The following TRPC5 variants were observed in gnomAD, a reference collection of about 807,000 sequenced individuals.
TRPC5 encodes the protein transient receptor potential cation channel subfamily C member 5.
In TRPC5, 9 loss-of-function variants were observed where a neutral mutation model predicts 56.5. The ratio of observed to expected loss-of-function variants is 0.16; its 90% confidence interval spans 0.10 to 0.28. The LOEUF (loss-of-function observed/expected upper bound fraction) is 0.28, where lower values mean the gene tolerates loss of function less well. Ranked by LOEUF, TRPC5 falls within the 10% of genes least tolerant of loss-of-function variation. The pLI, the probability that TRPC5 is intolerant of heterozygous loss-of-function variation, is 1.00. For missense variants in TRPC5, 469 were observed against 748.9 expected (o/e 0.63, Z 4.36); for synonymous variants, 282 against 278.5 (o/e 1.01, Z -0.13).
intron 3 of TRPC5, among the ~76,000 whole-genome samples, chrX:111,908,354 G>C (rs1925697728): frequency 9.0e-6 from 1 of 111,526 alleles, no homozygotes; most frequent in Non-Finnish European, 1.9e-5. Flanking sequence ...TTAGTTTGAA[G>C]AGAAACTAAT....
chrX:111,781,907 ATTAAG>A (rs1168066601), intron 8 of TRPC5, 23 bp downstream of exon 8: 1 of 1,148,977 alleles, frequency 8.7e-7, no homozygotes, highest in Admixed American at 2.6e-5. Flanking sequence ...ATTTTTAAAA[ATTAAG>A]TTTTCAAAAT....
intron 3 of TRPC5, among the ~76,000 whole-genome samples, chrX:111,894,075 A>G (rs890546568): frequency 2.7e-5 from 3 of 111,518 alleles, no homozygotes; most frequent in Non-Finnish European, 3.8e-5. Context: ...AGAAGGGAAC[A>G]CTATGGAAAA....
chrX:111,937,709 C>T (rs1926634453), intron 2 of TRPC5, among the ~76,000 whole-genome samples: 1 of 98,649 alleles, frequency 1.0e-5, no homozygotes, highest in African/African-American at 3.8e-5. Context: ...ATCTATATCT[C>T]TGTTTTGGTA....
At chrX:111,942,062 C>G (rs1006626712) in intron 2 of TRPC5, among the ~76,000 whole-genome samples, 1 of 112,221 alleles carries the variant, frequency 8.9e-6, no homozygotes, top group Non-Finnish European at 1.9e-5. Flanking sequence ...CCTCTCTACA[C>G]TGCCATTCTG....
chrX:111,882,778 G>A (rs1401137997), intron 3 of TRPC5, among the ~76,000 whole-genome samples: 2 of 112,257 alleles, frequency 1.8e-5, no homozygotes, highest in East Asian at 2.8e-4. Flanking sequence ...AGTCCTAGTC[G>A]GCCCAGTTAA....
At chrX:111,822,826 G>T (rs764386212) in intron 7 of TRPC5, among the ~76,000 whole-genome samples, 2 of 111,493 alleles carry the variant, frequency 1.8e-5, no homozygotes, top group Non-Finnish European at 3.8e-5. Context: ...TTGGGCACTG[G>T]AACCTTTCTG....
At chrX:111,900,883 A>G (rs1356963769) in intron 3 of TRPC5, among the ~76,000 whole-genome samples, 1 of 111,863 alleles carries the variant, frequency 8.9e-6, no homozygotes, top group Non-Finnish European at 1.9e-5. Context: ...TATTGAGCCA[A>G]TATCTAGATT....
At chrX:111,892,362 C>G (rs1405825225) in intron 3 of TRPC5, among the ~76,000 whole-genome samples, 2 of 112,111 alleles carry the variant, frequency 1.8e-5, no homozygotes, top group Non-Finnish European at 3.8e-5. Flanking sequence ...GTCTCAATGA[C>G]CTTGCCAATT....
At chrX:111,966,867 A>G (rs1348620290) in intron 1 of TRPC5, among the ~76,000 whole-genome samples, 1 of 111,887 alleles carries the variant, frequency 8.9e-6, no homozygotes, top group Non-Finnish European at 1.9e-5. Context: ...ACCCGCAGCC[A>G]ATATCATACT....
rs202215512 is a variant in TRPC5 at position 111,854,457 on chromosome X, A to AG, written c.901-352_901-351insC. ...AGAATCATCCAGGGAACATTAAAAA[A>AG]TCTAAATCCCCAGGTCCTTCCACAG... On this transcript the variant is annotated intron_variant, in intron 3 of 10. Transcript: ENST00000262839. Among the ~76,000 whole-genome samples, 570 of 112,060 alleles carry AG rather than the reference A, an allele frequency of 5.1e-3. 3 individuals carry two copies. Among genetic ancestry groups the AG allele is most frequent in the African/African-American group, 0.018 (541 of 30,811 alleles).
At chrX:111,828,723 A>T (rs983945375) in intron 7 of TRPC5, among the ~76,000 whole-genome samples, 8 of 111,639 alleles carry the variant, frequency 7.2e-5, no homozygotes, top group Admixed American at 6.7e-4. Flanking sequence ...AAAGACTTGG[A>T]GGGCTCAGAA....
At chrX:112,008,446 A>G (rs149689944) in intron 1 of TRPC5, among the ~76,000 whole-genome samples, 2,710 of 110,304 alleles carry the variant, frequency 0.025, 35 homozygotes, top group Middle Eastern at 0.05. Context: ...AAAAGAAAAA[A>G]AAAATTAGCC....
intron 7 of TRPC5, among the ~76,000 whole-genome samples, chrX:111,803,754 T>G (rs1307879625): frequency 8.9e-6 from 1 of 112,011 alleles, no homozygotes; most frequent in Non-Finnish European, 1.9e-5. Flanking sequence ...ATATTAGCCC[T>G]TTGTCAGATG....
At chrX:111,783,122 C>T (rs781296706) in intron 7 of TRPC5, among the ~76,000 whole-genome samples, 5 of 112,008 alleles carry the variant, frequency 4.5e-5, no homozygotes. Context: ...TCTGTGTTTT[C>T]GTATGTATCA....
intron 3 of TRPC5, among the ~76,000 whole-genome samples, chrX:111,906,365 A>AC (rs1211864204): frequency 2.7e-5 from 3 of 109,860 alleles, no homozygotes; most frequent in East Asian, 5.7e-4. Context: ...AAAAAACAAA[A>AC]AACAAAAAAA....
At chrX:111,899,473 G>T (rs922056098) in intron 3 of TRPC5, among the ~76,000 whole-genome samples, 2 of 111,344 alleles carry the variant, frequency 1.8e-5, no homozygotes, top group African/African-American at 6.5e-5. Context: ...GATAGAGAGG[G>T]TGTGAAATAG....
chrX:111,788,611 A>G (rs1945990355), intron 7 of TRPC5, among the ~76,000 whole-genome samples: 1 of 111,959 alleles, frequency 8.9e-6, no homozygotes, highest in African/African-American at 3.2e-5. Context: ...TTAGGAAATG[A>G]GGAAGTCAAA....
chrX:111,834,282 T>C (rs1001862999), intron 7 of TRPC5, among the ~76,000 whole-genome samples: 2 of 111,484 alleles, frequency 1.8e-5, no homozygotes, highest in Non-Finnish European at 3.8e-5. Flanking sequence ...CAGTTACTTA[T>C]ATATACTTGA....
At position 111,776,651 on chromosome X, in the gene TRPC5, C is replaced by T; in HGVS notation, c.2584G>A (p.Glu862Lys). 8.3e-7 allele frequency: 1 copy of T among 1,211,695 alleles called. No individual in the cohort carries two copies. The highest frequency in any genetic ancestry group is 1.1e-6 in the Non-Finnish European group (1 of 895,541). Residue 862 changes from glutamate (E) to lysine (K), a missense_variant, in exon 11 of 11, where the codon GAG becomes AAG. Physicochemically the swap from Glu to Lys is moderately conservative, Grantham distance 56. Coordinates refer to ENST00000262839, the MANE Select transcript of TRPC5 (RefSeq NM_012471.3). ...CCATCAGAAATTGTGTACATTGGCT[C>T]TGAACTGGGTTCAGACATATGACCA... is the stretch of plus-strand genomic sequence containing the variant. ...FNGHMSEPSSEPMYTISDGIV... is the reference protein window; with the variant it reads ...FNGHMSEPSSKPMYTISDGIV...
Sources: allele counts gnomAD v4.1 joint callset (sites outside exome capture counted in the v4.1 genomes callset), GRCh38; gene constraint gnomAD v4.1.1; transcripts MANE v1.5; gene names NCBI Gene and HGNC (gene_info 2026-07-23, HGNC 2026-07-21).